NEBL: variants seen among roughly 807,000 people sequenced by gnomAD.
The protein encoded by NEBL is nebulette, also known as LIM and SH3 protein 2.
In NEBL, 122 loss-of-function variants were observed where a neutral mutation model predicts 140.2. The observed-to-expected ratio is 0.87, with a 90% CI of 0.75 to 1.01. The LOEUF (loss-of-function observed/expected upper bound fraction) is 1.01, where lower values mean the gene tolerates loss of function less well. NEBL is among the 50% of genes least tolerant of loss of function. The pLI is 0.00. For synonymous variants in NEBL, 436 were observed against 398.9 expected (o/e 1.09, Z -1.11); for missense variants, 1,365 against 1,231.3 (o/e 1.11, Z -1.62).
chr10:20,920,007 T>C (rs1186519664), intron 4 of NEBL, among the ~76,000 whole-genome samples: 3 of 152,064 alleles, frequency 2.0e-5, no homozygotes, highest in South Asian at 2.1e-4. Context: ...AAAAGATGAA[T>C]AGTTCACAGA....
At chr10:21,225,326 G>A (rs1842129864) in intron 3 of NEBL, among the ~76,000 whole-genome samples, 2 of 152,086 alleles carry the variant, frequency 1.3e-5, no homozygotes, top group Non-Finnish European at 2.9e-5. Context: ...ACTTCCCTAG[G>A]TCAGACCTGA....
At chr10:21,274,667 C>T (rs1588588604) in intron 1 of NEBL, among the ~76,000 whole-genome samples, 1 of 152,228 alleles carries the variant, frequency 6.6e-6, no homozygotes. Flanking sequence ...CTCAAGTGTT[C>T]CACCCGACTT....
chr10:20,859,627 A>C (rs1198732515), intron 8 of NEBL, 86 bp downstream of exon 8: 14 of 816,210 alleles, frequency 1.7e-5, no homozygotes, highest in African/African-American at 3.5e-5. Context: ...TTGGAAGCTA[A>C]GTATCAGTAA....
chr10:21,009,535 G>C (rs971858654), intron 3 of NEBL, among the ~76,000 whole-genome samples: 5 of 152,162 alleles, frequency 3.3e-5, no homozygotes, highest in African/African-American at 9.7e-5. Context: ...AAAATCAAGA[G>C]AGAGGGAAGG....
At position 20,813,923 on chromosome 10, in the gene NEBL, T is replaced by C. The variant is rs761366742; in HGVS notation, c.2346+16A>G. The C allele has an allele frequency of 6.1e-6, 9 of 1,486,082 alleles. No homozygotes were observed. In the Admixed American group the frequency reaches 6.7e-5, roughly 11 times the overall value. 92.1% of individuals were successfully genotyped at this position (1,486,082 alleles called of 1,614,324 possible). ...ATTCCTTAGCATGTTTTAAGAATGA[T>C]CTGGTTGGACCCTACCATTGAAATA... On this transcript the variant is annotated intron_variant, in intron 23 of 27. Coordinates refer to ENST00000377122, the MANE Select transcript of NEBL (RefSeq NM_006393.3).
intron 4 of NEBL, among the ~76,000 whole-genome samples, chr10:20,938,347 A>G (rs1026453135): frequency 2.0e-5 from 3 of 152,252 alleles, no homozygotes; most frequent in African/African-American, 7.2e-5. Flanking sequence ...GTGGACCTCC[A>G]GTAAACTCCA....
At chr10:21,238,045 T>G (rs1842383590) in intron 3 of NEBL, among the ~76,000 whole-genome samples, 2 of 152,218 alleles carry the variant, frequency 1.3e-5, no homozygotes, top group South Asian at 4.1e-4. Context: ...CCAGAATTCC[T>G]GGAACACGGA....
intron 3 of NEBL, among the ~76,000 whole-genome samples, chr10:20,988,628 G>C (rs1326841683): frequency 1.3e-5 from 2 of 152,106 alleles, no homozygotes; most frequent in Non-Finnish European, 2.9e-5. Flanking sequence ...ACTGCCATTA[G>C]CATACACACA....
rs556597544 is a variant in NEBL, at chr10:20,830,681, T to C, written c.1671+515A>G. Reference sequence around the variant, plus strand: ...TGGTTAAAAGACAAAACGTTTGTAATTTATTTTTCTGTAGTATTAGCAAAA... The same window carrying C: ...TGGTTAAAAGACAAAACGTTTGTAACTTATTTTTCTGTAGTATTAGCAAAA... On this transcript the variant is annotated intron_variant, in intron 16 of 27. Transcript: ENST00000377122. 2.0e-5 allele frequency among the ~76,000 whole-genome samples: 3 copies of C among 151,890 alleles called. No homozygotes were observed. The East Asian group carries it at 5.8e-4, about 29-fold the overall frequency.
intron 3 of NEBL, among the ~76,000 whole-genome samples, chr10:21,235,188 C>T (rs1336575234): frequency 1.3e-5 from 2 of 151,962 alleles, no homozygotes; most frequent in East Asian, 1.9e-4. Flanking sequence ...CCCAGCTGCT[C>T]GGGAAGCTGA....
rs1838214621 is a variant in NEBL, at chr10:21,114,990, T to A, written c.164+57393A>T. On this transcript the variant is annotated intron_variant, in intron 2 of 6. Coordinates refer to the NEBL transcript ENST00000417816. ...TTCTTTGTTCCTTTTTGCTCATTTT[T>A]AACTTCTTTTTAATTAAGTGTTTTT... 3.3e-5 allele frequency among the ~76,000 whole-genome samples: 5 copies of A among 152,204 alleles called. No homozygotes were observed. The South Asian group carries it at 1.0e-3, about 32-fold the overall frequency.
intron 2 of NEBL, chr10:21,248,010 T>TAAA (rs34664249): frequency 1.3e-4 from 25 of 196,632 alleles, no homozygotes; most frequent in South Asian, 4.2e-4. Context: ...AAATTATGAT[T>TAAA]AAAAAAAAAA....
chr10:20,824,875 A>G (rs913399734), intron 18 of NEBL, among the ~76,000 whole-genome samples: 1 of 152,222 alleles, frequency 6.6e-6, no homozygotes, highest in Non-Finnish European at 1.5e-5. Flanking sequence ...ATTAAACCAC[A>G]GTACATCGAT....
chr10:21,223,159 A>G (rs1842097745), intron 3 of NEBL, among the ~76,000 whole-genome samples: 1 of 152,108 alleles, frequency 6.6e-6, no homozygotes, highest in African/African-American at 2.4e-5. Context: ...ATCCAACTAT[A>G]TTTTTGCACT....
chr10:20,904,668 A>G (rs370960171), intron 4 of NEBL, among the ~76,000 whole-genome samples: 1 of 152,254 alleles, frequency 6.6e-6, no homozygotes, highest in East Asian at 1.9e-4. Flanking sequence ...ACATTCACAC[A>G]TGCAACACAC....
chr10:21,195,030 C>T (rs570209449), intron 3 of NEBL, among the ~76,000 whole-genome samples: 10 of 152,238 alleles, frequency 6.6e-5, no homozygotes, highest in Non-Finnish European at 1.3e-4. Context: ...GAATGGGACA[C>T]AGGAGAGAAG....
At chr10:21,183,015 G>C (rs1013940026) in intron 3 of NEBL, among the ~76,000 whole-genome samples, 3 of 152,144 alleles carry the variant, frequency 2.0e-5, no homozygotes, top group African/African-American at 7.2e-5. Context: ...AAGACAGAAA[G>C]CAGGTGGCAT....
chr10:21,119,947 C>T (rs530652313), intron 2 of NEBL, among the ~76,000 whole-genome samples: 34 of 152,070 alleles, frequency 2.2e-4, no homozygotes, highest in East Asian at 5.8e-4. Flanking sequence ...ACCTCATTTG[C>T]GGATTTATCT....
At chr10:20,966,411 A>G (rs532194143) in intron 3 of NEBL, among the ~76,000 whole-genome samples, 1 of 152,368 alleles carries the variant, frequency 6.6e-6, no homozygotes, top group Admixed American at 6.5e-5. Flanking sequence ...TATGCTACAC[A>G]TTAAATGAAT....
Sources: allele counts gnomAD v4.1 joint callset (sites outside exome capture counted in the v4.1 genomes callset), GRCh38; gene constraint gnomAD v4.1.1; transcripts MANE v1.5; gene names NCBI Gene and HGNC (gene_info 2026-07-23, HGNC 2026-07-21).